Variants in RCAN2 observed in about 807,000 individuals in gnomAD.
RCAN2 encodes the protein calcipressin-2.
Under a neutral mutation model 23.6 loss-of-function variants are expected in RCAN2, and 9 were observed. The observed-to-expected ratio is 0.38, with a 90% CI of 0.23 to 0.67. The LOEUF (loss-of-function observed/expected upper bound fraction) is 0.67. Among genes scored for constraint, RCAN2 ranks in the 30% least tolerant of loss-of-function variants. The pLI, the probability that RCAN2 is intolerant of heterozygous loss-of-function variation, is 0.51. For synonymous variants in RCAN2, 109 were observed against 115.7 expected, an observed-to-expected ratio of 0.94 and a Z score of 0.37; for missense variants, 273 against 302.3, an observed-to-expected ratio of 0.90 and a Z score of 0.72.
At chr6:46,488,814 T>C (rs1769063711) in intron 1 of RCAN2, among the ~76,000 whole-genome samples, 3 of 152,186 alleles carry the variant, frequency 2.0e-5, no homozygotes, top group African/African-American at 7.2e-5. Context: ...AATGGCTCTG[T>C]ATAGATCTCT....
intron 1 of RCAN2, among the ~76,000 whole-genome samples, chr6:46,486,537 T>A (rs1768994493): frequency 6.6e-6 from 1 of 152,176 alleles, no homozygotes; most frequent in Non-Finnish European, 1.5e-5. Flanking sequence ...ATTATAATAT[T>A]TTGGAACAGG....
At chr6:46,406,365 A>G (rs936027842) in intron 2 of RCAN2, among the ~76,000 whole-genome samples, 2 of 152,226 alleles carry the variant, frequency 1.3e-5, no homozygotes, top group African/African-American at 4.8e-5. Flanking sequence ...TTTAAAATGT[A>G]TATATATGAC....
At position 46,368,104 on chromosome 6, in the gene RCAN2, C is replaced by A. The variant is rs1367532098; in HGVS notation, c.225+88648G>T. 2.0e-5 allele frequency among the ~76,000 whole-genome samples: 3 copies of A among 152,304 alleles called. No homozygotes were observed. The East Asian group carries it at 5.8e-4, about 29-fold the overall frequency. On this transcript the variant is annotated intron_variant, in intron 2 of 4. Coordinates refer to ENST00000371374, the MANE Select transcript of RCAN2 (RefSeq NM_001251974.2). Reference sequence around the variant, plus strand: ...GAGCATATTGTCTCTATGGCAACTACTCAACTTTGCCTTTATAGGGTGAAG... The same window carrying A: ...GAGCATATTGTCTCTATGGCAACTAATCAACTTTGCCTTTATAGGGTGAAG...
At chr6:46,373,170 T>C (rs1765365329) in intron 2 of RCAN2, among the ~76,000 whole-genome samples, 1 of 152,230 alleles carries the variant, frequency 6.6e-6, no homozygotes. Flanking sequence ...GTTGTTTTAT[T>C]ATAAGTTCAG....
At chr6:46,459,118 G>A (rs11963073) in intron 1 of RCAN2, among the ~76,000 whole-genome samples, 57,169 of 152,054 alleles carry the variant, frequency 0.38, 13,051 homozygotes, top group East Asian at 0.6. Flanking sequence ...GGCTGGTCTC[G>A]AACTCCTGAC....
At chr6:46,359,862 C>T (rs560243107) in intron 2 of RCAN2, among the ~76,000 whole-genome samples, 1 of 152,210 alleles carries the variant, frequency 6.6e-6, no homozygotes, top group Admixed American at 6.5e-5. Context: ...GATGCTAGAA[C>T]CAAAGTTCAG....
intron 2 of RCAN2, among the ~76,000 whole-genome samples, chr6:46,405,095 C>T (rs1317293828): frequency 1.3e-5 from 2 of 152,120 alleles, no homozygotes; most frequent in Admixed American, 6.5e-5. Context: ...AGAATGAAGC[C>T]GCGGACCCTC....
chr6:46,475,495 C>G (rs1048248606), intron 1 of RCAN2, among the ~76,000 whole-genome samples: 5 of 152,176 alleles, frequency 3.3e-5, no homozygotes, highest in Non-Finnish European at 7.3e-5. Context: ...TGTCAAGACA[C>G]TTGAAGGGAA....
rs2119814 is a variant in RCAN2 at position 46,234,391 on chromosome 6, T to C, written c.572-11090A>G. 2.4e-3 allele frequency among the ~76,000 whole-genome samples: 366 copies of C among 152,236 alleles called. 3 individuals are homozygous for C. The highest frequency in any genetic ancestry group is 8.4e-3 in the African/African-American group (349 of 41,500). On this transcript the variant is annotated intron_variant, in intron 4 of 4. Coordinates refer to ENST00000371374, the MANE Select transcript of RCAN2 (RefSeq NM_001251974.2). The stretch of plus-strand genomic sequence containing the variant: ...TCTTTTTCCCTTTGGGCTTCAACTA[T>C]TTCCTCTACCACAAGGGCTGACGTC...
chr6:46,448,718 G>C (rs555069491), intron 2 of RCAN2, among the ~76,000 whole-genome samples: 3 of 151,834 alleles, frequency 2.0e-5, no homozygotes, highest in Admixed American at 2.0e-4. Flanking sequence ...ACAGAATGAA[G>C]GATAAAAACC....
intron 2 of RCAN2, among the ~76,000 whole-genome samples, chr6:46,275,384 G>A (rs370623908): frequency 1.3e-5 from 2 of 152,168 alleles, no homozygotes; most frequent in East Asian, 3.8e-4. Flanking sequence ...TTTGAAGTCT[G>A]TAGCCTCTAT....
At chr6:46,480,119 T>C (rs1303453761) in intron 1 of RCAN2, among the ~76,000 whole-genome samples, 1 of 152,188 alleles carries the variant, frequency 6.6e-6, no homozygotes, top group Non-Finnish European at 1.5e-5. Context: ...AATCCCACTT[T>C]GACAAGGAAT....
chr6:46,221,326 T>C lies in RCAN2; in HGVS notation c.*1815A>G, dbSNP rs1433189019. On this transcript the variant is annotated 3_prime_UTR_variant, in exon 5 of 5. Transcript: ENST00000371374. ...GAGTCAGCTTTGAAAGGCTGGATGC[T>C]GCAGTGCTCTGCATCTGAATAGCGG... The C allele has an allele frequency of 1.3e-5, 2 of 152,662 alleles. No individual in the cohort carries two copies. Among genetic ancestry groups the C allele is most frequent in the African/African-American group, 4.8e-5 (2 of 41,464 alleles). The allele number at this position is 152,662 out of a possible 1,614,324, so 9.5% of individuals were successfully genotyped here. A position where few individuals can be genotyped will look rare whatever the true frequency, so the allele number is the denominator to read the frequency against.
At chr6:46,384,793 T>C (rs1561883689) in intron 2 of RCAN2, among the ~76,000 whole-genome samples, 1 of 151,602 alleles carries the variant, frequency 6.6e-6, no homozygotes, top group Admixed American at 6.6e-5. Flanking sequence ...TGGGAAGTGA[T>C]ACAAGGGACT....
chr6:46,277,548 ATT>A (rs1248735708), intron 2 of RCAN2, among the ~76,000 whole-genome samples: 1 of 151,788 alleles, frequency 6.6e-6, no homozygotes, highest in African/African-American at 2.4e-5. Flanking sequence ...TAGACAATAA[ATT>A]TTGTGCCCAT....
chr6:46,248,923 T>G, intron 2 of RCAN2, 27 bp from the exon 3 acceptor site: 1 of 1,566,372 alleles, frequency 6.4e-7, no homozygotes. Flanking sequence ...CAGAGGAAAA[T>G]CCATTGGCCA....
intron 1 of RCAN2, among the ~76,000 whole-genome samples, chr6:46,469,164 G>A (rs1026868384): frequency 6.6e-6 from 1 of 152,060 alleles, no homozygotes; most frequent in African/African-American, 2.4e-5. Flanking sequence ...TTCAACCAAG[G>A]GCCACAACTG....
At chr6:46,456,999 A>G (rs2150432928) in intron 1 of RCAN2, 21 bp from the exon 2 acceptor site, 1 of 1,501,774 alleles carries the variant, frequency 6.7e-7, no homozygotes, top group East Asian at 2.5e-5. Context: ...AAAGATGAGC[A>G]TGTGTTACTG....
At chr6:46,319,268 TA>T (rs1337096637) in intron 2 of RCAN2, among the ~76,000 whole-genome samples, 1 of 152,202 alleles carries the variant, frequency 6.6e-6, no homozygotes, top group African/African-American at 2.4e-5. Context: ...TTCTAAGCTT[TA>T]TCAGAAAGTA....
Sources: allele counts gnomAD v4.1 joint callset (sites outside exome capture counted in the v4.1 genomes callset), GRCh38; gene constraint gnomAD v4.1.1; transcripts MANE v1.5; gene names NCBI Gene and HGNC (gene_info 2026-07-23, HGNC 2026-07-21).